ODAD2: variants seen among roughly 807,000 people sequenced by gnomAD.
The protein encoded by ODAD2 is outer dynein arm docking complex subunit 2.
Under a neutral mutation model 106.8 loss-of-function variants are expected in ODAD2, and 89 were observed. The observed-to-expected ratio is 0.83, with a 90% CI of 0.70 to 0.99. The LOEUF is 0.99. ODAD2 is among the 50% of genes least tolerant of loss of function. The probability of loss-of-function intolerance (pLI) is 0.00; values close to 1 mark genes in which losing one functional copy is unlikely to be tolerated. For missense variants in ODAD2, 1,168 were observed against 1,238.5 expected, an observed-to-expected ratio of 0.94 and a Z score of 0.85; for synonymous variants, 404 against 436.2, an observed-to-expected ratio of 0.93 and a Z score of 0.92.
chr10:27,948,591 C>T (rs1158739480), intron 10 of ODAD2, among the ~76,000 whole-genome samples: 5 of 152,030 alleles, frequency 3.3e-5, no homozygotes, highest in East Asian at 1.9e-4. Context: ...CATTTTATCA[C>T]GCATTTGCAT....
intron 19 of ODAD2, among the ~76,000 whole-genome samples, chr10:27,836,406 C>G (rs1238930556): frequency 6.6e-6 from 1 of 152,206 alleles, no homozygotes; most frequent in African/African-American, 2.4e-5. Context: ...TTTTTTACGT[C>G]ATTAAATAAA....
chr10:27,982,795 G>A (rs1227413833), intron 6 of ODAD2, among the ~76,000 whole-genome samples: 2 of 152,144 alleles, frequency 1.3e-5, no homozygotes, highest in African/African-American at 4.8e-5. Flanking sequence ...ATGTTGCAGA[G>A]GTGAAAGCTA....
At chr10:27,890,336 T>C (rs758480324) in intron 17 of ODAD2, among the ~76,000 whole-genome samples, 2 of 152,170 alleles carry the variant, frequency 1.3e-5, no homozygotes, top group African/African-American at 2.4e-5. Context: ...CTGGGCACTC[T>C]TGGCTGAGGT....
rs1384076750 is a variant in ODAD2 at position 27,849,717 on chromosome 10, T to G, written c.3021+10908A>C. Among the ~76,000 whole-genome samples, 3 of 152,308 alleles carry G rather than the reference T, an allele frequency of 2.0e-5. No homozygotes were observed. In the South Asian group the frequency reaches 6.2e-4, roughly 32 times the overall value. ...TTAATTCCTACTGAAGATAATCTGA[T>G]TTTGCAAACTTCTCTATCATAGAGA... is the stretch of plus-strand genomic sequence containing the variant. On this transcript the variant is annotated intron_variant, in intron 19 of 19. Coordinates refer to ENST00000305242, the MANE Select transcript of ODAD2 (RefSeq NM_018076.5).
At chr10:27,949,880 A>G (rs1847206746) in intron 10 of ODAD2, among the ~76,000 whole-genome samples, 1 of 152,082 alleles carries the variant, frequency 6.6e-6, no homozygotes, top group Non-Finnish European at 1.5e-5. Context: ...GTTTTTATCA[A>G]CTTGGTTCAG....
At chr10:27,972,502 G>A (rs1848925245) in intron 7 of ODAD2, among the ~76,000 whole-genome samples, 1 of 152,100 alleles carries the variant, frequency 6.6e-6, no homozygotes, top group Non-Finnish European at 1.5e-5. Context: ...GGATGGAAAA[G>A]GAGACCTAAC....
intron 16 of ODAD2, among the ~76,000 whole-genome samples, chr10:27,923,156 A>T (rs1311128572): frequency 6.6e-6 from 1 of 152,216 alleles, no homozygotes; most frequent in Non-Finnish European, 1.5e-5. Context: ...GAAACTAAAC[A>T]TTATTCATAT....
At chr10:27,924,022 GAAGGAA>G (rs1308946445) in intron 16 of ODAD2, among the ~76,000 whole-genome samples, 16 of 132,870 alleles carry the variant, frequency 1.2e-4, no homozygotes, top group Admixed American at 1.5e-4. Context: ...AAGAAAGAAA[GAAGGAA>G]AGAGAAAGAA....
At chr10:27,858,929 G>T (rs550466205) in intron 19 of ODAD2, among the ~76,000 whole-genome samples, 16 of 150,938 alleles carry the variant, frequency 1.1e-4, no homozygotes, top group Admixed American at 5.3e-4. Flanking sequence ...TCAGCCTCCC[G>T]AGTAGCTGGG....
chr10:27,820,777 C>CTTTTTTTTTTTTTTTTTTTTTTTT (rs72095120), intron 19 of ODAD2, among the ~76,000 whole-genome samples: 6 of 105,554 alleles, frequency 5.7e-5, no homozygotes, highest in African/African-American at 1.9e-4. Flanking sequence ...AGCCCAGCAA[C>CTTTTTTTTTTTTTTTTTTTTTTTT]TTTTTTTTTT....
chr10:27,914,609 C>T (rs1394814390), intron 16 of ODAD2, among the ~76,000 whole-genome samples: 1 of 151,904 alleles, frequency 6.6e-6, no homozygotes. Flanking sequence ...CCTTTAATGA[C>T]CAATTTGTGG....
At chr10:27,895,554 G>A (rs1193881815) in intron 17 of ODAD2, among the ~76,000 whole-genome samples, 2 of 152,192 alleles carry the variant, frequency 1.3e-5, no homozygotes, top group East Asian at 3.9e-4. Flanking sequence ...CTCCCAAAGT[G>A]CTGGGATTAT....
chr10:27,924,162 TAA>T (rs1192667656), intron 16 of ODAD2, among the ~76,000 whole-genome samples: 1 of 151,850 alleles, frequency 6.6e-6, no homozygotes, highest in African/African-American at 2.4e-5. Flanking sequence ...ACAGTTGAAA[TAA>T]AAAAGTCAAC....
At chr10:27,974,054 A>T (rs532670428) in intron 7 of ODAD2, among the ~76,000 whole-genome samples, 1 of 152,220 alleles carries the variant, frequency 6.6e-6, no homozygotes, top group African/African-American at 2.4e-5. Context: ...CTTTTTTCAC[A>T]TGCTTGTTGG....
chr10:27,935,928 T>C (rs1845944388), intron 15 of ODAD2, among the ~76,000 whole-genome samples: 1 of 152,098 alleles, frequency 6.6e-6, no homozygotes, highest in East Asian at 1.9e-4. Flanking sequence ...ATTTGAAAAT[T>C]CCTAGTTTCT....
chr10:27,883,014 G>A (rs1057152928), intron 17 of ODAD2, among the ~76,000 whole-genome samples: 1 of 151,918 alleles, frequency 6.6e-6, no homozygotes, highest in Admixed American at 6.6e-5. Flanking sequence ...TCTTAGAAGT[G>A]AGAAGTGTGT....
chr10:27,915,586 T>G (rs114652892), intron 16 of ODAD2, among the ~76,000 whole-genome samples: 28 of 152,160 alleles, frequency 1.8e-4, no homozygotes, highest in African/African-American at 6.5e-4. Flanking sequence ...TATAGCACAG[T>G]AGGTATGGGG....
intron 10 of ODAD2, among the ~76,000 whole-genome samples, chr10:27,956,489 C>A (rs532046989): frequency 2.4e-4 from 36 of 152,122 alleles, no homozygotes; most frequent in South Asian, 4.1e-4. Context: ...CTGTGCTTGC[C>A]AATATAACCC....
chr10:27,843,119 C>T (rs1838431517), intron 19 of ODAD2, among the ~76,000 whole-genome samples: 1 of 152,126 alleles, frequency 6.6e-6, no homozygotes, highest in Non-Finnish European at 1.5e-5. Flanking sequence ...AAACTGGAAA[C>T]TTTTATCTAA....
Sources: allele counts gnomAD v4.1 joint callset (sites outside exome capture counted in the v4.1 genomes callset), GRCh38; gene constraint gnomAD v4.1.1; transcripts MANE v1.5; gene names NCBI Gene and HGNC (gene_info 2026-07-23, HGNC 2026-07-21).